Variants in BMPR1B observed in about 807,000 individuals in gnomAD.
BMPR1B encodes bone morphogenetic protein receptor type 1B.
A neutral mutation model predicts 59.1 loss-of-function variants in BMPR1B; 12 were observed. The ratio of observed to expected loss-of-function variants is 0.20; its 90% confidence interval spans 0.13 to 0.33. The LOEUF (loss-of-function observed/expected upper bound fraction) is 0.33, where lower values mean the gene tolerates loss of function less well. BMPR1B is among the 10% of genes least tolerant of loss of function. BMPR1B has a pLI of 1.00. For missense variants in BMPR1B, 550 were observed against 610.9 expected (o/e 0.90, Z 1.05); for synonymous variants, 237 against 207.3 (o/e 1.14, Z -1.23).
At chr4:94,830,780 A>G (rs1446759203) in intron 1 of BMPR1B, among the ~76,000 whole-genome samples, 1 of 152,208 alleles carries the variant, frequency 6.6e-6, no homozygotes, top group Non-Finnish European at 1.5e-5. Context: ...GTTGCTGCCT[A>G]GTGACACTGT....
rs116554376 is a variant in BMPR1B, at chr4:95,026,480, T to G, written c.-18+30346T>G. On this transcript the variant is annotated intron_variant, in intron 3 of 12. Coordinates refer to ENST00000515059, the MANE Select transcript of BMPR1B (RefSeq NM_001203.3). Reference sequence around the variant, plus strand: ...ATTCTCTGTATAATTACTAGTACTTTTTATTTTCCTGAAAAAAAGTGCTTT... The same window carrying G: ...ATTCTCTGTATAATTACTAGTACTTGTTATTTTCCTGAAAAAAAGTGCTTT... 2.0e-3 allele frequency among the ~76,000 whole-genome samples: 306 copies of G among 152,196 alleles called. 1 individual carries two copies. Among genetic ancestry groups the G allele is most frequent in the African/African-American group, 7.0e-3 (290 of 41,522 alleles).
At chr4:95,133,057 G>A (rs1055175654) in intron 10 of BMPR1B, among the ~76,000 whole-genome samples, 1 of 152,072 alleles carries the variant, frequency 6.6e-6, no homozygotes, top group Admixed American at 6.5e-5. Context: ...AGTTTTGGCT[G>A]ATCCATTCTT....
At chr4:94,809,015 A>G (rs1230992892) in intron 1 of BMPR1B, among the ~76,000 whole-genome samples, 1 of 152,228 alleles carries the variant, frequency 6.6e-6, no homozygotes, top group African/African-American at 2.4e-5. Context: ...AGATTGCACC[A>G]CTGCACTCCA....
intron 3 of BMPR1B, among the ~76,000 whole-genome samples, chr4:95,049,459 T>C: frequency 1.7e-5 from 1 of 60,484 alleles, no homozygotes; most frequent in Non-Finnish European, 3.7e-5. Context: ...TTTTTTTTTT[T>C]TTTTTTTTTT....
chr4:94,792,438 C>G (rs1474157763), intron 1 of BMPR1B, among the ~76,000 whole-genome samples: 1 of 151,964 alleles, frequency 6.6e-6, no homozygotes, highest in African/African-American at 2.4e-5. Flanking sequence ...CCTTCTATTC[C>G]CTTTCTCATC....
intron 12 of BMPR1B, 91 bp from the exon 13 acceptor site, chr4:95,154,457 T>G: frequency 6.4e-7 from 1 of 1,569,482 alleles, no homozygotes; most frequent in Non-Finnish European, 8.7e-7. Context: ...AAAAATATAT[T>G]CAAACTTAAT....
At chr4:94,815,060 C>T (rs1015953808) in intron 1 of BMPR1B, among the ~76,000 whole-genome samples, 7 of 152,006 alleles carry the variant, frequency 4.6e-5, no homozygotes, top group East Asian at 3.9e-4. Flanking sequence ...CCTGCCACCA[C>T]GCCCGGCTAA....
Position 95,148,764 on chromosome 4 carries a change from G to C in BMPR1B, c.1093G>C (p.Asp365His). 6.2e-7 allele frequency: 1 copy of C among 1,613,866 alleles called. No individual in the cohort carries two copies. The highest frequency in any genetic ancestry group is 8.5e-7 in the Non-Finnish European group (1 of 1,179,866). Residue 365 changes from aspartate to histidine, a missense_variant, in exon 11 of 13, where the codon GAC (aspartate) becomes CAC (histidine). Physicochemically the swap from Asp to His is moderately conservative, Grantham distance 81. Coordinates refer to ENST00000515059, the MANE Select transcript of BMPR1B (RefSeq NM_001203.3). The part of the protein sequence containing the change: ...VKFISDTNEV[D>H]IPPNTRVGTK... The stretch of plus-strand genomic sequence containing the variant: ...TTTCCTTAGTGATACAAATGAAGTT[G>C]ACATACCACCTAACACTCGAGTTGG...
At position 95,154,877 on chromosome 4, in the gene BMPR1B, T is replaced by C; in HGVS notation, c.*204T>C. 4 of 638,524 alleles carry C rather than the reference T, an allele frequency of 6.3e-6. No homozygotes were observed. The highest frequency in any genetic ancestry group is 2.0e-5 in the South Asian group (1 of 50,072). The allele number at this position is 638,524 out of a possible 1,614,324, so 39.6% of individuals were successfully genotyped here. A position where few individuals can be genotyped will look rare whatever the true frequency, so the allele number is the denominator to read the frequency against. On this transcript the variant is annotated 3_prime_UTR_variant, in exon 13 of 13. Coordinates refer to ENST00000515059, the MANE Select transcript of BMPR1B (RefSeq NM_001203.3). ...GAAGGAGAGATTGATCCATGTCTGT[T>C]TGTAGGACGGAGAAACCGCTTGGGT...
chr4:95,131,084 T>C, intron 9 of BMPR1B, 131 bp from the exon 10 acceptor site: 1 of 937,432 alleles, frequency 1.1e-6, no homozygotes, highest in African/African-American at 1.6e-5. Context: ...AATACCATCA[T>C]AGGCATAGTC....
intron 12 of BMPR1B, among the ~76,000 whole-genome samples, chr4:95,153,061 A>G (rs1405329269): frequency 2.6e-5 from 4 of 152,198 alleles, no homozygotes; most frequent in Non-Finnish European, 5.9e-5. Context: ...TGACATTTGC[A>G]TAAAACCTAT....
chr4:94,844,055 A>G (rs1267491846), intron 1 of BMPR1B, among the ~76,000 whole-genome samples: 1 of 152,224 alleles, frequency 6.6e-6, no homozygotes, highest in African/African-American at 2.4e-5. Flanking sequence ...ACGAGCTTTC[A>G]GTTAGAAGAT....
intron 1 of BMPR1B, among the ~76,000 whole-genome samples, chr4:94,836,528 A>AT (rs1253558201): frequency 6.9e-6 from 1 of 145,724 alleles, no homozygotes; most frequent in African/African-American, 2.6e-5. Context: ...GCATTTTTTC[A>AT]TGTGTTTTTT....
chr4:94,764,311 G>T (rs1357565323), intron 1 of BMPR1B, among the ~76,000 whole-genome samples: 1 of 152,074 alleles, frequency 6.6e-6, no homozygotes, highest in Non-Finnish European at 1.5e-5. Context: ...TATTTCCTTG[G>T]CTCCCTTTTT....
intron 1 of BMPR1B, among the ~76,000 whole-genome samples, chr4:94,769,475 T>C (rs1722088853): frequency 6.6e-6 from 1 of 152,186 alleles, no homozygotes. Context: ...CCAGGCGTGG[T>C]GGCACATGCC....
chr4:94,958,305 G>A lies in BMPR1B; in HGVS notation c.-112-37735G>A, dbSNP rs76638181. On this transcript the variant is annotated intron_variant, in intron 2 of 12. Coordinates refer to ENST00000515059, the MANE Select transcript of BMPR1B (RefSeq NM_001203.3). Reference sequence around the variant, plus strand: ...GTAAGACATTGTATATACTGTCTGGGCATATGGCAGGTGTATTACCTTGCT... The same window carrying A: ...GTAAGACATTGTATATACTGTCTGGACATATGGCAGGTGTATTACCTTGCT... Among the ~76,000 whole-genome samples the A allele has an allele frequency of 7.2e-5, 11 of 152,236 alleles. No individual in the cohort carries two copies. In the East Asian group the frequency reaches 2.1e-3, roughly 29 times the overall value.
intron 2 of BMPR1B, among the ~76,000 whole-genome samples, chr4:94,920,904 A>G (rs181421398): frequency 7.2e-4 from 110 of 152,324 alleles, no homozygotes; most frequent in African/African-American, 2.6e-3. Flanking sequence ...AAGGAGACCA[A>G]ACTCATCCTG....
chr4:94,981,555 A>G (rs1056830816), intron 2 of BMPR1B, among the ~76,000 whole-genome samples: 24 of 152,308 alleles, frequency 1.6e-4, no homozygotes, highest in African/African-American at 5.5e-4. Context: ...TGTGACCAGT[A>G]CTTCATTGCT....
In BMPR1B at chr4:94,819,306, G is replaced by A. The variant is rs191484988; in HGVS notation, c.-182-56525G>A. On this transcript the variant is annotated intron_variant, in intron 1 of 12. Coordinates refer to ENST00000515059, the MANE Select transcript of BMPR1B (RefSeq NM_001203.3). ...TTTTGGGGTTTTATTAACTCTTACC[G>A]CTACAACTTCTCTTTGTGGCATCCG... 1.2e-4 allele frequency among the ~76,000 whole-genome samples: 19 copies of A among 152,186 alleles called. No individual in the cohort carries two copies. In the East Asian group the frequency reaches 2.5e-3, roughly 20 times the overall value.
Sources: gnomAD v4.1 joint callset for allele counts (sites outside exome capture counted in the v4.1 genomes callset) on GRCh38, gnomAD v4.1.1 for gene constraint, MANE v1.5 for transcripts, NCBI Gene and HGNC (gene_info 2026-07-23, HGNC 2026-07-21) for gene names.